Variants in CDK11B observed in about 807,000 individuals in gnomAD.
The protein encoded by CDK11B is cyclin dependent kinase 11B, also known as cyclin-dependent kinase 11B.
CDK11B carries 37 observed loss-of-function variants against 84.0 expected under a neutral mutation model. The ratio of observed to expected loss-of-function variants is 0.44; its 90% CI spans 0.34 to 0.58. The LOEUF is 0.58. Ranked by LOEUF, CDK11B falls within the 20% of genes least tolerant of loss-of-function variation. The pLI, the probability that CDK11B is intolerant of heterozygous loss-of-function variation, is 0.02. For synonymous variants in CDK11B, 269 were observed against 309.8 expected (o/e 0.87, Z 1.38); for missense variants, 427 against 834.0 (o/e 0.51, Z 6.01).
intron 5 of CDK11B, among the ~76,000 whole-genome samples, chr1:1,647,471 G>T (rs562927777): frequency 2.6e-5 from 4 of 152,346 alleles, no homozygotes; most frequent in African/African-American, 9.6e-5. Flanking sequence ...CTTCCTAGGG[G>T]TCACCACCAT....
chr1:1,638,586 C>G lies in CDK11B; in HGVS notation c.1256G>C (p.Cys419Ser), dbSNP rs1639745133. Residue 419 changes from cysteine (C) to serine (S), a missense_variant, in exon 12 of 20, where the codon TGC becomes TCC. Cys to Ser is a moderately radical substitution (Grantham distance 112, BLOSUM62 -1). Coordinates refer to ENST00000341832, the MANE Select transcript of CDK11B (RefSeq NM_033486.3). ...GCACTGGAACTCCTCGACGCTCCGGCAGCCCTGGGAAGGAAGCGCCTGTGT... is the reference window on the plus strand; with the variant it reads ...GCACTGGAACTCCTCGACGCTCCGGGAGCCCTGGGAAGGAAGCGCCTGTGT... ...LPKYLPALQG[C>S]RSVEEFQCLN... The G allele has an allele frequency of 8.1e-7, 1 of 1,229,766 alleles. No homozygotes were observed. The highest frequency in any genetic ancestry group is 1.2e-5 in the South Asian group (1 of 82,120). The allele number at this position is 1,229,766 out of a possible 1,614,324, so 76.2% of individuals were successfully genotyped here.
intron 5 of CDK11B, chr1:1,646,839 G>A (rs1183191839): frequency 9.6e-6 from 5 of 519,900 alleles, no homozygotes; most frequent in South Asian, 1.4e-5. Context: ...ACTGCCTTCT[G>A]GCCTCCATTG....
chr1:1,650,095 C>A (rs1318387125), intron 4 of CDK11B, among the ~76,000 whole-genome samples: 1 of 150,706 alleles, frequency 6.6e-6, no homozygotes, highest in African/African-American at 2.4e-5. Context: ...ACGGTGAAAC[C>A]CCATCTCTAC....
rs538815280 is a variant in CDK11B, at chr1:1,656,570, A to G, written c.111+805T>C. On this transcript the variant is annotated intron_variant, in intron 2 of 19. Coordinates refer to ENST00000341832, the MANE Select transcript of CDK11B (RefSeq NM_033486.3). The stretch of plus-strand genomic sequence containing the variant: ...TTTGGGAGGCCGAGGTGGGTGGATC[A>G]TGAGGTCAGGAGATTAAGATCATCC... Among the ~76,000 whole-genome samples the G allele has an allele frequency of 3.3e-5, 5 of 152,260 alleles. No homozygotes were observed. The South Asian group carries it at 1.0e-3, about 32-fold the overall frequency.
intron 4 of CDK11B, 49 bp from the exon 5 acceptor site, chr1:1,649,686 C>A: frequency 6.3e-7 from 1 of 1,594,170 alleles, no homozygotes; most frequent in Non-Finnish European, 8.6e-7. Context: ...TCAAAAATTT[C>A]ACATGAAGCC....
intron 2 of CDK11B, among the ~76,000 whole-genome samples, chr1:1,656,393 A>G (rs1304039651): frequency 6.6e-6 from 1 of 152,186 alleles, no homozygotes; most frequent in Non-Finnish European, 1.5e-5. Context: ...CAGGAGGCTG[A>G]GACAGGAGAA....
At position 1,637,174 on chromosome 1, in the gene CDK11B, C is replaced by T. The variant is rs775713691; in HGVS notation, c.1599G>A (p.Leu533=). 2.0e-5 allele frequency: 33 copies of T among 1,613,234 alleles called. No homozygotes were observed. Among genetic ancestry groups the T allele is most frequent in the Non-Finnish European group, 2.7e-5 (32 of 1,179,658 alleles). The part of the protein sequence containing the change: ...PGEVKTLMIQ[L]LRGVKHLHDN... ...CGTGCAGGTGTTTCACCCCACGCAG[C>T]AGCTGGATCATCAGGGTCTTCACCT... Residue 533 remains leucine (L), a synonymous_variant, in exon 15 of 20, where the codon CTG becomes CTA. Coordinates refer to ENST00000341832, the MANE Select transcript of CDK11B (RefSeq NM_033486.3).
intron 2 of CDK11B, among the ~76,000 whole-genome samples, chr1:1,656,839 A>C (rs1019725041): frequency 6.6e-6 from 1 of 152,236 alleles, no homozygotes; most frequent in South Asian, 2.1e-4. Flanking sequence ...AAAAATTTCA[A>C]TATCTGTGAA....
intron 5 of CDK11B, among the ~76,000 whole-genome samples, chr1:1,648,065 TC>T (rs1164041494): frequency 2.6e-5 from 4 of 152,290 alleles, no homozygotes; most frequent in Non-Finnish European, 4.4e-5. Flanking sequence ...AGACAAGGTC[TC>T]CCTACGTTGC....
chr1:1,650,085 A>C lies in CDK11B; in HGVS notation c.356-448T>G, dbSNP rs1179648669. On this transcript the variant is annotated intron_variant, in intron 4 of 19. Coordinates refer to ENST00000341832, the MANE Select transcript of CDK11B (RefSeq NM_033486.3). ...TCAGATCGGGACCATCCTGGCTAACACGGTGAAACCCCATCTCTACTAAAA... is the reference window on the plus strand; with the variant it reads ...TCAGATCGGGACCATCCTGGCTAACCCGGTGAAACCCCATCTCTACTAAAA... Among the ~76,000 whole-genome samples, 48 of 151,176 alleles carry C rather than the reference A, an allele frequency of 3.2e-4. 1 individual carries two copies. The highest frequency in any genetic ancestry group is 2.9e-3 in the South Asian group (14 of 4,768).
At chr1:1,650,033 G>T (rs1211625149) in intron 4 of CDK11B, among the ~76,000 whole-genome samples, 1 of 150,902 alleles carries the variant, frequency 6.6e-6, no homozygotes, top group Non-Finnish European at 1.5e-5. Flanking sequence ...CAGCACTCTG[G>T]GAGGCCGAGG....
Position 1,637,647 on chromosome 1 carries a change from G to A in CDK11B, c.1464+115C>T, listed in dbSNP as rs370227518. 1.9e-6 allele frequency: 3 copies of A among 1,608,746 alleles called. No individual in the cohort carries two copies. The Admixed American group carries it at 5.0e-5, about 27-fold the overall frequency. ...GCAAATGCTTGCTTCTGTGTGGTCT[G>A]TGAAGGGCTCCACTAAGTGCAGGAG... is the stretch of plus-strand genomic sequence containing the variant. On this transcript the variant is annotated intron_variant, in intron 13 of 19. Coordinates refer to ENST00000341832, the MANE Select transcript of CDK11B (RefSeq NM_033486.3).
Position 1,649,553 on chromosome 1 carries a change from T to G in CDK11B, c.440A>C (p.Glu147Ala). 6.2e-7 allele frequency: 1 copy of G among 1,604,592 alleles called. No homozygotes were observed. The highest frequency in any genetic ancestry group is 8.5e-7 in the Non-Finnish European group (1 of 1,171,470). The change falls in exon 5 of 20, where the codon GAA (glutamate) becomes GCA (alanine). Residue 147 changes from glutamate (E) to alanine (A), a missense_variant. Physicochemically the swap from Glu to Ala is moderately radical, Grantham distance 107 (BLOSUM62 -1). Around this residue, in one of 12 missense-constraint regions of CDK11B, gnomAD observed 71 missense variants for 66.2 expected, o/e 1.07. Transcript: ENST00000341832. Reference sequence around the variant, plus strand: ...CTCCCTTCTCTTCTGTCTTTCCCATTCCCGGCGAGCTTTATCCTGTTCTTC... The same window carrying G: ...CTCCCTTCTCTTCTGTCTTTCCCATGCCCGGCGAGCTTTATCCTGTTCTTC... ...HREEQDKARR[E>A]WERQKRREMA...
At chr1:1,650,759 G>T (rs1240101025) in intron 4 of CDK11B, among the ~76,000 whole-genome samples, 1 of 148,848 alleles carries the variant, frequency 6.7e-6, no homozygotes, top group Non-Finnish European at 1.5e-5. Flanking sequence ...CCTCCAAAGT[G>T]CTGGGATTAC....
intron 4 of CDK11B, among the ~76,000 whole-genome samples, chr1:1,650,888 A>G (rs1641920696): frequency 6.6e-6 from 1 of 152,178 alleles, no homozygotes; most frequent in African/African-American, 2.4e-5. Flanking sequence ...AAAAAGAAAA[A>G]CAATTCTGCT....
At chr1:1,655,814 C>T (rs533333555) in intron 2 of CDK11B, among the ~76,000 whole-genome samples, 14 of 151,152 alleles carry the variant, frequency 9.3e-5, no homozygotes, top group Non-Finnish European at 1.8e-4. Context: ...ACCCGGGAGG[C>T]GGACATTGCA....
At chr1:1,654,298 G>T (rs1181520920) in intron 3 of CDK11B, 1 of 385,288 alleles carries the variant, frequency 2.6e-6, no homozygotes, top group Non-Finnish European at 5.1e-6. Flanking sequence ...TCCACACAGG[G>T]TCTTGCTCTG....
intron 5 of CDK11B, among the ~76,000 whole-genome samples, chr1:1,647,771 C>A (rs2100877374): frequency 6.6e-6 from 1 of 152,346 alleles, no homozygotes; most frequent in East Asian, 1.9e-4. Flanking sequence ...TTCTAGCAGA[C>A]CTCTTGGCCT....
chr1:1,637,556 C>A (rs746773824), intron 13 of CDK11B, 43 bp from the exon 14 acceptor site: 1 of 1,608,764 alleles, frequency 6.2e-7, no homozygotes, highest in East Asian at 2.2e-5. Flanking sequence ...CTCCAGGCCC[C>A]CACCCACCCC....
Sources: allele counts gnomAD v4.1 joint callset (sites outside exome capture counted in the v4.1 genomes callset), GRCh38; gene constraint gnomAD v4.1.1; regional missense constraint gnomAD v4.1.1; transcripts MANE v1.5; gene names NCBI Gene and HGNC (gene_info 2026-07-23, HGNC 2026-07-21).